Variants in CFAP299 observed in about 807,000 individuals in gnomAD.
The protein encoded by CFAP299 is cilia and flagella associated protein 299, also known as cilia- and flagella-associated protein 299.
CFAP299 carries 21 observed loss-of-function variants against 27.0 expected under a neutral mutation model. That is an observed-to-expected ratio of 0.78 (90% CI 0.55 to 1.12). CFAP299 has a LOEUF of 1.12. Among genes scored for constraint, CFAP299 ranks in the 50% most tolerant of loss-of-function variants. The pLI is 0.00. For synonymous variants in CFAP299, 104 were observed against 98.1 expected (o/e 1.06, Z -0.36); for missense variants, 310 against 276.6 (o/e 1.12, Z -0.86).
At chr4:80,512,696 G>A (rs758774508) in intron 2 of CFAP299, among the ~76,000 whole-genome samples, 1 of 151,998 alleles carries the variant, frequency 6.6e-6, no homozygotes, top group Non-Finnish European at 1.5e-5. Context: ...TTATGTTAGA[G>A]CTGTGGTGCA....
chr4:80,347,287 C>T (rs1243573704), intron 1 of CFAP299, among the ~76,000 whole-genome samples: 1 of 152,146 alleles, frequency 6.6e-6, no homozygotes, highest in Non-Finnish European at 1.5e-5. Context: ...CTTGACTGCC[C>T]TGGCCAGAAC....
upstream of CFAP299, among the ~76,000 whole-genome samples, chr4:80,333,958 T>A (rs563440711): frequency 1.3e-5 from 2 of 152,326 alleles, no homozygotes; most frequent in African/African-American, 4.8e-5. Context: ...AATTGAAAGT[T>A]TAGAAAAGGA....
At chr4:80,839,434 G>A (rs1730745397) in intron 3 of CFAP299, among the ~76,000 whole-genome samples, 1 of 152,120 alleles carries the variant, frequency 6.6e-6, no homozygotes, top group African/African-American at 2.4e-5. Context: ...CAAAAAGGCT[G>A]TATGAACAAA....
chr4:80,586,227 T>A (rs1736430106), intron 3 of CFAP299, among the ~76,000 whole-genome samples: 1 of 152,028 alleles, frequency 6.6e-6, no homozygotes, highest in Admixed American at 6.6e-5. Context: ...TTTGTCACAC[T>A]GTATGATACA....
chr4:80,753,253 G>C (rs1217818083), intron 3 of CFAP299, among the ~76,000 whole-genome samples: 1 of 151,168 alleles, frequency 6.6e-6, no homozygotes, highest in Non-Finnish European at 1.5e-5. Context: ...AAATATTTTG[G>C]GTGATTTTAT....
intron 4 of CFAP299, among the ~76,000 whole-genome samples, chr4:80,921,949 G>A (rs1027107687): frequency 1.3e-5 from 2 of 151,950 alleles, no homozygotes; most frequent in Non-Finnish European, 2.9e-5. Flanking sequence ...TCAAAAAACA[G>A]AGGTACCAAA....
At chr4:80,441,349 C>T (rs910953341) in intron 2 of CFAP299, among the ~76,000 whole-genome samples, 3 of 152,178 alleles carry the variant, frequency 2.0e-5, no homozygotes, top group East Asian at 1.9e-4. Context: ...GGAGTAACAG[C>T]GGATCTCTCT....
intron 3 of CFAP299, among the ~76,000 whole-genome samples, chr4:80,613,201 A>G (rs1738089402): frequency 6.6e-6 from 1 of 152,120 alleles, no homozygotes; most frequent in Non-Finnish European, 1.5e-5. Flanking sequence ...AGTCACCTAT[A>G]CCAGTTTAAA....
chr4:80,340,845 G>A (rs1032557733), intron 1 of CFAP299, among the ~76,000 whole-genome samples: 4 of 151,660 alleles, frequency 2.6e-5, no homozygotes, highest in Middle Eastern at 3.4e-3. Context: ...GTGCGATCTC[G>A]GCTCACAGCA....
At chr4:80,831,835 T>C (rs1730315923) in intron 3 of CFAP299, among the ~76,000 whole-genome samples, 1 of 152,158 alleles carries the variant, frequency 6.6e-6, no homozygotes, top group Admixed American at 6.6e-5. Flanking sequence ...TTTAAAAATG[T>C]AGTACTTCAT....
chr4:80,336,340 T>C (rs893722187), intron 1 of CFAP299, among the ~76,000 whole-genome samples: 1 of 152,182 alleles, frequency 6.6e-6, no homozygotes, highest in Non-Finnish European at 1.5e-5. Context: ...TGGTGTTATA[T>C]TGGGCGTTTG....
chr4:80,881,278 T>C (rs1733692012), intron 4 of CFAP299, among the ~76,000 whole-genome samples: 1 of 152,030 alleles, frequency 6.6e-6, no homozygotes, highest in Non-Finnish European at 1.5e-5. Context: ...ATAACAGAGG[T>C]TCTTCCTCCA....
intron 2 of CFAP299, among the ~76,000 whole-genome samples, chr4:80,546,412 G>A (rs1042317496): frequency 5.3e-5 from 8 of 152,110 alleles, no homozygotes; most frequent in African/African-American, 1.9e-4. Flanking sequence ...TAGTAATGCT[G>A]CTTACCAAGG....
Position 80,724,970 on chromosome 4 carries a change from C to T in CFAP299, c.333+141787C>T, listed in dbSNP as rs187378023. ...CTTCCTTCTTTCTGTTTTTTTGAGACAGAGTCTTGCTGTGTTGCCCATGCT... is the reference window on the plus strand; with the variant it reads ...CTTCCTTCTTTCTGTTTTTTTGAGATAGAGTCTTGCTGTGTTGCCCATGCT... On this transcript the variant is annotated intron_variant, in intron 3 of 5. Coordinates refer to ENST00000358105, the MANE Select transcript of CFAP299 (RefSeq NM_152770.3). Among the ~76,000 whole-genome samples the T allele has an allele frequency of 1.1e-3, 162 of 146,482 alleles. 2 individuals are homozygous for T. Among genetic ancestry groups the T allele is most frequent in the African/African-American group, 3.8e-3 (151 of 39,546 alleles).
intron 2 of CFAP299, among the ~76,000 whole-genome samples, chr4:80,500,440 A>T (rs946723744): frequency 2.0e-5 from 3 of 152,136 alleles, no homozygotes; most frequent in African/African-American, 7.2e-5. Context: ...ATTTTATTAA[A>T]GTCAAATCCT....
At chr4:80,502,093 C>T (rs1201051062) in intron 2 of CFAP299, among the ~76,000 whole-genome samples, 1 of 151,980 alleles carries the variant, frequency 6.6e-6, no homozygotes, top group Non-Finnish European at 1.5e-5. Context: ...ATAAATGAGT[C>T]ATATTTGTGC....
At chr4:80,535,736 T>C (rs1484697616) in intron 2 of CFAP299, among the ~76,000 whole-genome samples, 2 of 152,188 alleles carry the variant, frequency 1.3e-5, no homozygotes, top group Non-Finnish European at 2.9e-5. Flanking sequence ...TGGGTATGAC[T>C]GAACCTTGCT....
At chr4:80,832,259 A>G (rs188544582) in intron 3 of CFAP299, among the ~76,000 whole-genome samples, 119 of 152,286 alleles carry the variant, frequency 7.8e-4, no homozygotes, top group Middle Eastern at 3.4e-3. Flanking sequence ...GTAGTCTGTG[A>G]TGTGCATCAC....
At chr4:80,451,592 A>G (rs191942348) in intron 2 of CFAP299, among the ~76,000 whole-genome samples, 6 of 152,340 alleles carry the variant, frequency 3.9e-5, no homozygotes, top group Non-Finnish European at 7.3e-5. Context: ...TTATCTACTG[A>G]AAATAACTAA....
Sources: gnomAD v4.1 joint callset for allele counts (sites outside exome capture counted in the v4.1 genomes callset) on GRCh38, gnomAD v4.1.1 for gene constraint, MANE v1.5 for transcripts, NCBI Gene and HGNC (gene_info 2026-07-23, HGNC 2026-07-21) for gene names.